The following SLC10A1 variants were observed in gnomAD, a reference collection of about 807,000 sequenced individuals.
SLC10A1 encodes the protein hepatic sodium/bile acid cotransporter.
In SLC10A1, 36 loss-of-function variants were observed where a neutral mutation model predicts 20.5. That is an observed-to-expected ratio of 1.75 (90% confidence interval 1.34 to 2.32). The LOEUF (loss-of-function observed/expected upper bound fraction) is 2.32. Ranked by LOEUF, SLC10A1 falls within the 30% of genes most tolerant of loss-of-function variation. The pLI is 0.00. For synonymous variants in SLC10A1, 188 were observed against 163.6 expected, an observed-to-expected ratio of 1.15 and a Z score of -1.14; for missense variants, 545 against 439.1, an observed-to-expected ratio of 1.24 and a Z score of -2.16.
intron 2 of SLC10A1, among the ~76,000 whole-genome samples, chr14:69,785,354 A>G (rs1004774668): frequency 9.2e-5 from 14 of 152,178 alleles, no homozygotes; most frequent in African/African-American, 2.9e-4. Flanking sequence ...GAATGGGTAC[A>G]CTACCTGTCT....
At chr14:69,781,140 A>G (rs1883581930) in intron 2 of SLC10A1, among the ~76,000 whole-genome samples, 1 of 152,174 alleles carries the variant, frequency 6.6e-6, no homozygotes, top group Non-Finnish European at 1.5e-5. Context: ...AGGACCTGGC[A>G]TATAAGAACC....
chr14:69,777,604 TTAA>T (rs1883478968), intron 4 of SLC10A1, among the ~76,000 whole-genome samples: 6 of 95,954 alleles, frequency 6.3e-5, no homozygotes, highest in African/African-American at 3.4e-4. Flanking sequence ...TTTTTTTTTT[TTAA>T]AATTGGTGTT....
Position 69,779,174 on chromosome 14 carries a change from A to G in SLC10A1, c.746+8T>C, listed in dbSNP as rs751424060. ...AGACCCTTTCTTAAAAAAAAAAAAAATACCTACCGTCCATTGAGGCAGAAG... is the reference window on the plus strand; with the variant it reads ...AGACCCTTTCTTAAAAAAAAAAAAAGTACCTACCGTCCATTGAGGCAGAAG... On this transcript the variant is annotated splice_region_variant and intron_variant, in intron 3 of 4. Transcript: ENST00000216540. 2 of 1,560,716 alleles carry G rather than the reference A, an allele frequency of 1.3e-6. No individual in the cohort carries two copies. Among genetic ancestry groups the G allele is most frequent in the Non-Finnish European group, 1.7e-6 (2 of 1,159,110 alleles).
chr14:69,786,215 A>C lies in SLC10A1; in HGVS notation c.449T>G (p.Leu150Arg). 6.2e-7 allele frequency: 1 copy of C among 1,614,016 alleles called. No homozygotes were observed. ...IYSRGIYDGD[L>R]KDKVPYKGIV... ...GCCTTTATAGGGCACCTTGTCCTTC[A>C]GGTCCCCATCATAGATCCCCCTGGA... The change falls in exon 2 of 5, where the codon CTG becomes CGG. Residue 150 changes from leucine (L) to arginine (R), a missense_variant. Physicochemically the swap from Leu to Arg is moderately radical, Grantham distance 102 (BLOSUM62 -2). Coordinates refer to ENST00000216540, the MANE Select transcript of SLC10A1 (RefSeq NM_003049.4).
chr14:69,794,588 T>C (rs1372849932), intron 1 of SLC10A1, among the ~76,000 whole-genome samples: 2 of 152,250 alleles, frequency 1.3e-5, no homozygotes, highest in Non-Finnish European at 2.9e-5. Flanking sequence ...TTGTCATTAT[T>C]ATAATGCATG....
intron 1 of SLC10A1, among the ~76,000 whole-genome samples, chr14:69,786,851 A>C (rs1394090690): frequency 6.6e-6 from 1 of 152,214 alleles, no homozygotes; most frequent in East Asian, 1.9e-4. Context: ...CCTCGTGGGG[A>C]GTCTGAGTGT....
At chr14:69,783,419 G>A (rs1006337399) in intron 2 of SLC10A1, among the ~76,000 whole-genome samples, 2 of 152,182 alleles carry the variant, frequency 1.3e-5, no homozygotes, top group African/African-American at 4.8e-5. Context: ...TCTTACTCAG[G>A]CTTAGGAGGT....
rs748950217 is a variant in SLC10A1, at chr14:69,779,327, CCA to C, written c.599_600del (p.Val200GlyfsTer77). 1.9e-6 allele frequency: 3 copies of C among 1,613,656 alleles called. No individual in the cohort carries two copies. In the African/African-American group the frequency reaches 4.0e-5, roughly 22 times the overall value. On this transcript the variant is annotated frameshift_variant, in exon 3 of 5. Transcript: ENST00000216540. LOFTEE classifies it high-confidence loss of function. ...GGMIIILLCSVAVTVLSAINV... is the reference protein window; with the variant it reads ...GGMIIILLCSXAVTVLSAINV... ...TTGATGGCAGAGAGAACTGTGACGG[CCA>C]CACTGCACAAGAGAATGATGATCAT...
chr14:69,776,301 C>G lies in SLC10A1; in HGVS notation c.1031G>C (p.Cys344Ser). ...LGNGTYKGEDCSPCTA is the reference protein window; with the variant it reads ...LGNGTYKGEDSSPCTA ...GAAGGGCTAGGCTGTGCAAGGGGAG[C>G]AGTCCTCCCCTTTGTAGGTGCCATT... Residue 344 changes from cysteine to serine, a missense_variant, in exon 5 of 5, where the codon TGC (cysteine) becomes TCC (serine). Transcript: ENST00000216540. 1 of 1,611,742 alleles carries G rather than the reference C, an allele frequency of 6.2e-7. No homozygotes were observed. The highest frequency in any genetic ancestry group is 8.5e-7 in the Non-Finnish European group (1 of 1,178,498).
intron 2 of SLC10A1, among the ~76,000 whole-genome samples, chr14:69,783,141 G>GT (rs2139714681): frequency 6.6e-6 from 1 of 152,278 alleles, no homozygotes; most frequent in East Asian, 1.9e-4. Context: ...ACACAAACAT[G>GT]TTTCTCTGTG....
chr14:69,791,979 T>C (rs985630447), intron 1 of SLC10A1, among the ~76,000 whole-genome samples: 1 of 149,042 alleles, frequency 6.7e-6, no homozygotes, highest in African/African-American at 2.5e-5. Flanking sequence ...TGAGACAGGG[T>C]GTTGCTCTGT....
At position 69,792,173 on chromosome 14, in the gene SLC10A1, G is replaced by C. The variant is rs141089473; in HGVS notation, c.356+4627C>G. 2.4e-3 allele frequency among the ~76,000 whole-genome samples: 371 copies of C among 151,938 alleles called. 1 individual carries two copies. Among genetic ancestry groups the C allele is most frequent in the Middle Eastern group, 0.01 (3 of 294 alleles). ...TTTTGCCATGTTGGACAGGCTTGTA[G>C]ATAGTAAAAGATTTCTTAAAGAAAC... On this transcript the variant is annotated intron_variant, in intron 1 of 4. Coordinates refer to ENST00000216540, the MANE Select transcript of SLC10A1 (RefSeq NM_003049.4).
At chr14:69,779,035 C>T in intron 3 of SLC10A1, 147 bp downstream of exon 3, 3 of 593,756 alleles carry the variant, frequency 5.1e-6, no homozygotes, top group Admixed American at 3.1e-5. Flanking sequence ...GTGGCTTGTG[C>T]CTATAGTCCC....
intron 1 of SLC10A1, among the ~76,000 whole-genome samples, chr14:69,791,278 G>T (rs187719981): frequency 7.2e-5 from 11 of 151,968 alleles, no homozygotes; most frequent in African/African-American, 2.7e-4. Context: ...AAGTGAAAGA[G>T]TAAAAGGCTA....
intron 2 of SLC10A1, among the ~76,000 whole-genome samples, chr14:69,782,773 A>C (rs1883623821): frequency 1.3e-5 from 2 of 148,986 alleles, no homozygotes; most frequent in Admixed American, 6.9e-5. Flanking sequence ...GCGCCACTGC[A>C]CTCCAACCTG....
intron 2 of SLC10A1, 62 bp downstream of exon 2, chr14:69,786,035 T>G (rs1883703185): frequency 8.6e-7 from 1 of 1,168,738 alleles, no homozygotes; most frequent in East Asian, 2.3e-5. Context: ...GATTATATCT[T>G]ATAGTTGTAT....
chr14:69,790,368 G>A (rs1210691354), intron 1 of SLC10A1, among the ~76,000 whole-genome samples: 1 of 152,076 alleles, frequency 6.6e-6, no homozygotes, highest in Non-Finnish European at 1.5e-5. Flanking sequence ...TGGAACGAAA[G>A]CTGGAGAATG....
intron 1 of SLC10A1, among the ~76,000 whole-genome samples, chr14:69,789,610 T>A (rs1490026079): frequency 6.6e-6 from 1 of 152,158 alleles, no homozygotes; most frequent in Non-Finnish European, 1.5e-5. Flanking sequence ...TGAAATTAGA[T>A]AATGGTGATA....
At position 69,790,709 on chromosome 14, in the gene SLC10A1, TTAAC is replaced by T. The variant is rs1301270017; in HGVS notation, c.357-4406_357-4403del. Among the ~76,000 whole-genome samples, 3 of 152,168 alleles carry T rather than the reference TTAAC, an allele frequency of 2.0e-5. No individual in the cohort carries two copies. In the East Asian group the frequency reaches 5.8e-4, roughly 29 times the overall value. The stretch of plus-strand genomic sequence containing the variant: ...TTAATGGTAAATAGAGGGATTTTCT[TTAAC>T]AAGAGGAATAAAGCAAAGATAGTCA... On this transcript the variant is annotated intron_variant, in intron 1 of 4. Coordinates refer to ENST00000216540, the MANE Select transcript of SLC10A1 (RefSeq NM_003049.4).
Sources: allele counts gnomAD v4.1 joint callset (sites outside exome capture counted in the v4.1 genomes callset), GRCh38; gene constraint gnomAD v4.1.1; transcripts MANE v1.5; gene names NCBI Gene and HGNC (gene_info 2026-07-23, HGNC 2026-07-21).